CCDC102B: variants seen among roughly 807,000 people sequenced by gnomAD.
CCDC102B encodes coiled-coil domain containing 102B.
A neutral mutation model predicts 57.4 loss-of-function variants in CCDC102B; 75 were observed. That is an observed-to-expected ratio of 1.31 (90% CI 1.08 to 1.58). The LOEUF is 1.58. Ranked by LOEUF, CCDC102B falls within the 40% of genes most tolerant of loss-of-function variation. CCDC102B has a pLI of 0.00. For missense variants in CCDC102B, 636 were observed against 582.6 expected (o/e 1.09, Z -0.94); for synonymous variants, 206 against 201.9 (o/e 1.02, Z -0.17).
Position 68,990,393 on chromosome 18 carries a change from C to T in CCDC102B, c.1264-20541C>T, listed in dbSNP as rs1355729513. Among the ~76,000 whole-genome samples the T allele has an allele frequency of 2.6e-5, 4 of 152,286 alleles. No individual in the cohort carries two copies. The South Asian group carries it at 6.2e-4, about 24-fold the overall frequency. ...CCAGCCTTTAATTTTCTCTGGTCAT[C>T]ACTTTATCTGTTTATCGTGACTTCT... On this transcript the variant is annotated intron_variant, in intron 6 of 7. Transcript: ENST00000360242.
At chr18:68,719,170 A>G (rs1343303323) in intron 2 of CCDC102B, among the ~76,000 whole-genome samples, 1 of 152,240 alleles carries the variant, frequency 6.6e-6, no homozygotes, top group Admixed American at 6.5e-5. Context: ...TTAAAATTAT[A>G]CCATTAAAAA....
chr18:68,871,647 T>A (rs528848493), intron 4 of CCDC102B, among the ~76,000 whole-genome samples: 1 of 152,240 alleles, frequency 6.6e-6, no homozygotes, highest in East Asian at 1.9e-4. Context: ...TTTATTTATT[T>A]TTTTACTCCT....
At position 68,839,395 on chromosome 18, in the gene CCDC102B, T is replaced by G. The variant is rs1599546359; in HGVS notation, c.827+469T>G. On this transcript the variant is annotated intron_variant, in intron 3 of 7. Coordinates refer to ENST00000360242, the MANE Select transcript of CCDC102B (RefSeq NM_024781.3). ...GCTTTTGCTTAATTGGCCTGGATATTCATCTTTGGTCTGATGTCTTCTAGC... is the reference window on the plus strand; with the variant it reads ...GCTTTTGCTTAATTGGCCTGGATATGCATCTTTGGTCTGATGTCTTCTAGC... Among the ~76,000 whole-genome samples, 3 of 152,324 alleles carry G rather than the reference T, an allele frequency of 2.0e-5. No individual in the cohort carries two copies. The South Asian group carries it at 6.2e-4, about 32-fold the overall frequency.
chr18:68,808,504 G>A (rs1324367999), intron 1 of CCDC102B, among the ~76,000 whole-genome samples: 1 of 119,036 alleles, frequency 8.4e-6, no homozygotes, highest in Admixed American at 1.1e-4. Flanking sequence ...GTGAGACAGA[G>A]TCTCGCTCTT....
chr18:68,987,741 A>C (rs954991998), intron 6 of CCDC102B, among the ~76,000 whole-genome samples: 1 of 152,170 alleles, frequency 6.6e-6, no homozygotes, highest in Admixed American at 6.5e-5. Flanking sequence ...AAAAGACATG[A>C]ACAGACACTT....
chr18:68,802,491 T>C lies in CCDC102B; in HGVS notation c.-16+4310T>C, dbSNP rs1179384136. ...GTTTTTATATTTTATGTTTTTGGTATCAGGACTAAATAAATTTGACCTGAT... is the reference window on the plus strand; with the variant it reads ...GTTTTTATATTTTATGTTTTTGGTACCAGGACTAAATAAATTTGACCTGAT... On this transcript the variant is annotated intron_variant, in intron 1 of 7. Coordinates refer to ENST00000360242, the MANE Select transcript of CCDC102B (RefSeq NM_024781.3). 3.9e-5 allele frequency among the ~76,000 whole-genome samples: 6 copies of C among 152,210 alleles called. No individual in the cohort carries two copies. In the East Asian group the frequency reaches 5.8e-4, roughly 15 times the overall value.
intron 1 of CCDC102B, among the ~76,000 whole-genome samples, chr18:68,803,463 G>C (rs1315218803): frequency 6.6e-6 from 1 of 152,176 alleles, no homozygotes; most frequent in East Asian, 1.9e-4. Flanking sequence ...AATAACCAGG[G>C]AATGTCCCTT....
rs972270383 is a variant in CCDC102B, at chr18:69,055,164, G to A, written c.*1027G>A. On this transcript the variant is annotated 3_prime_UTR_variant, in exon 8 of 8. Coordinates refer to ENST00000360242, the MANE Select transcript of CCDC102B (RefSeq NM_024781.3). The stretch of plus-strand genomic sequence containing the variant: ...AATGAAATCTTACTAATTCATTATT[G>A]AATAAAGACCACTTTTATCAGAGTC... 1.0e-6 allele frequency: 1 copy of A among 977,538 alleles called. No individual in the cohort carries two copies. Among genetic ancestry groups the A allele is most frequent in the Non-Finnish European group, 1.2e-6 (1 of 823,180 alleles). The allele number at this position is 977,538 out of a possible 1,614,324, so 60.6% of individuals were successfully genotyped here. A position where few individuals can be genotyped will look rare whatever the true frequency, so the allele number is the denominator to read the frequency against.
intron 2 of CCDC102B, chr18:68,754,697 G>C (rs1013017054): frequency 1.3e-5 from 2 of 152,104 alleles, no homozygotes; most frequent in African/African-American, 2.4e-5. Flanking sequence ...TGGCTGGGGA[G>C]ACTGTTACGG....
chr18:68,824,297 T>C (rs2036817689), intron 1 of CCDC102B, among the ~76,000 whole-genome samples: 1 of 152,218 alleles, frequency 6.6e-6, no homozygotes, highest in Non-Finnish European at 1.5e-5. Context: ...CAGTAACATG[T>C]ATTGCACGAG....
At chr18:68,917,309 T>G (rs2041108388) in intron 6 of CCDC102B, among the ~76,000 whole-genome samples, 1 of 152,022 alleles carries the variant, frequency 6.6e-6, no homozygotes, top group Non-Finnish European at 1.5e-5. Context: ...GTACCCTGGG[T>G]TGGTCATGGA....
chr18:68,888,270 G>A (rs1214549179), intron 5 of CCDC102B, among the ~76,000 whole-genome samples: 1 of 152,070 alleles, frequency 6.6e-6, no homozygotes, highest in African/African-American at 2.4e-5. Context: ...TAATGCGTCA[G>A]GTGTTATATC....
chr18:68,956,434 TTA>T (rs1384800742), intron 6 of CCDC102B, among the ~76,000 whole-genome samples: 2 of 36,148 alleles, frequency 5.5e-5, no homozygotes, highest in Admixed American at 5.6e-4. Flanking sequence ...ATTATACATT[TTA>T]TATATATTAT....
chr18:68,770,533 T>C (rs2034605680), intron 2 of CCDC102B, among the ~76,000 whole-genome samples: 1 of 152,178 alleles, frequency 6.6e-6, no homozygotes, highest in Non-Finnish European at 1.5e-5. Context: ...GGCAAGGTTG[T>C]GGATGCATCC....
At chr18:68,902,572 T>C (rs1414700026) in intron 6 of CCDC102B, among the ~76,000 whole-genome samples, 1 of 152,318 alleles carries the variant, frequency 6.6e-6, no homozygotes, top group East Asian at 1.9e-4. Flanking sequence ...ATCTAACCAG[T>C]ACCTATCTGC....
intron 1 of CCDC102B, among the ~76,000 whole-genome samples, chr18:68,816,431 T>TCA (rs796743613): frequency 2.7e-4 from 41 of 152,096 alleles, no homozygotes; most frequent in African/African-American, 9.4e-4. Flanking sequence ...AAGTCACTTT[T>TCA]CACTATAGTC....
intron 5 of CCDC102B, among the ~76,000 whole-genome samples, chr18:68,883,579 T>C (rs1296759348): frequency 6.6e-6 from 1 of 152,178 alleles, no homozygotes; most frequent in Non-Finnish European, 1.5e-5. Flanking sequence ...CTTTTCCTAC[T>C]GTAGAGAAAG....
In CCDC102B at chr18:68,813,092, G is replaced by A. The variant is rs577687724; in HGVS notation, c.-16+14911G>A. ...GTCTGGTGGGAGATGATTGAATCAT[G>A]AGAATGGACTTCCCCCTTGCTGTTC... On this transcript the variant is annotated intron_variant, in intron 1 of 7. Transcript: ENST00000360242. Among the ~76,000 whole-genome samples the A allele has an allele frequency of 4.6e-5, 7 of 152,188 alleles. No individual in the cohort carries two copies. In the South Asian group the frequency reaches 1.5e-3, roughly 32 times the overall value.
intron 6 of CCDC102B, among the ~76,000 whole-genome samples, chr18:68,922,883 A>T (rs533921158): frequency 1.4e-4 from 22 of 152,162 alleles, no homozygotes; most frequent in African/African-American, 5.3e-4. Flanking sequence ...CTTAACTATA[A>T]TCTTGGGTAT....
Sources: allele counts gnomAD v4.1 joint callset (sites outside exome capture counted in the v4.1 genomes callset), GRCh38; gene constraint gnomAD v4.1.1; transcripts MANE v1.5; gene names NCBI Gene and HGNC (gene_info 2026-07-23, HGNC 2026-07-21).